Variants in RIPK1 observed in about 807,000 individuals in gnomAD.
RIPK1 encodes the protein receptor-interacting serine/threonine-protein kinase 1.
A neutral mutation model predicts 62.4 loss-of-function variants in RIPK1; 27 were observed. The observed-to-expected ratio is 0.43, with a 90% confidence interval of 0.32 to 0.60. RIPK1 has a LOEUF of 0.60. RIPK1 is among the 20% of genes least tolerant of loss of function. The probability of loss-of-function intolerance (pLI) is 0.07; values close to 1 mark genes in which losing one functional copy is unlikely to be tolerated. For missense variants in RIPK1, 735 were observed against 831.0 expected (o/e 0.88, Z 1.42); for synonymous variants, 287 against 303.2 (o/e 0.95, Z 0.55).
At chr6:3,076,381 T>C (rs1441419230) in intron 1 of RIPK1, among the ~76,000 whole-genome samples, 1 of 152,104 alleles carries the variant, frequency 6.6e-6, no homozygotes, top group Non-Finnish European at 1.5e-5. Context: ...AAAAATGATC[T>C]TTTCTGCCAG....
At position 3,105,361 on chromosome 6, in the gene RIPK1, C is replaced by T; in HGVS notation, c.1007-121C>T. 1 of 740,394 alleles carries T rather than the reference C, an allele frequency of 1.4e-6. No homozygotes were observed. The highest frequency in any genetic ancestry group is 2.3e-6 in the Non-Finnish European group (1 of 440,416). The allele number at this position is 740,394 out of a possible 1,614,324, so 45.9% of individuals were successfully genotyped here. A position where few individuals can be genotyped will look rare whatever the true frequency, so the allele number is the denominator to read the frequency against. On this transcript the variant is annotated intron_variant, in intron 8 of 10. Coordinates refer to ENST00000259808, the MANE Select transcript of RIPK1 (RefSeq NM_001354930.2). This position sits in a 1 kb window ranked among gnomAD's most constrained non-coding sequence, Gnocchi z 4.5. ...AGGACCATCTCCTAAATGCTTTGGA[C>T]TGGTCTCGTACTTGTTTTCTGTGTG...
At chr6:3,081,775 G>A (rs1233929019) in intron 4 of RIPK1, among the ~76,000 whole-genome samples, 2 of 149,986 alleles carry the variant, frequency 1.3e-5, no homozygotes, top group East Asian at 2.0e-4. Context: ...CAGGAGAATC[G>A]CCTGAACCGG....
Position 3,106,010 on chromosome 6 carries a change from G to T in RIPK1, c.1535G>T (p.Gly512Val), listed in dbSNP as rs1760832329. The part of the protein sequence containing the change: ...NIPVPETNYL[G>V]NTPTMPFSSL... The stretch of plus-strand genomic sequence containing the variant: ...CCAGTGCCTGAGACCAACTATCTAG[G>T]AAATACACCCACCATGCCATTCAGC... The change falls in exon 9 of 11, where the codon GGA (glycine) becomes GTA (valine). Residue 512 changes from glycine (G) to valine (V), a missense_variant. By Grantham distance (109) the Gly-to-Val change is moderately radical (BLOSUM62 -3). Around this residue, in one of 2 missense-constraint regions of RIPK1, gnomAD observed 671 missense variants for 726.2 expected, o/e 0.92. Transcript: ENST00000259808. 1.2e-6 allele frequency: 2 copies of T among 1,612,556 alleles called. No individual in the cohort carries two copies. Among genetic ancestry groups the T allele is most frequent in the African/African-American group, 2.7e-5 (2 of 74,888 alleles).
chr6:3,073,690 T>A (rs1758888281), intron 1 of RIPK1, among the ~76,000 whole-genome samples: 1 of 152,198 alleles, frequency 6.6e-6, no homozygotes, highest in African/African-American at 2.4e-5. Flanking sequence ...TAGACAGAGC[T>A]GGCCCCAGCC....
rs1456631803 is a variant in RIPK1 at position 3,068,566 on chromosome 6, G to A, written c.-156G>A. 24 of 985,222 alleles carry A rather than the reference G, an allele frequency of 2.4e-5. No individual in the cohort carries two copies. The highest frequency in any genetic ancestry group is 2.8e-5 in the Non-Finnish European group (23 of 829,964). 61.0% of individuals were successfully genotyped at this position (985,222 alleles called of 1,614,324 possible). On this transcript the variant is annotated 5_prime_UTR_variant, in exon 1 of 11. Coordinates refer to ENST00000259808, the MANE Select transcript of RIPK1 (RefSeq NM_001354930.2). ...CTGCCGGAGCGCGGCGACTCCAGGGGACCCACAGCTGGGGCGCCAGAGCGC... is the reference window on the plus strand; with the variant it reads ...CTGCCGGAGCGCGGCGACTCCAGGGAACCCACAGCTGGGGCGCCAGAGCGC...
chr6:3,086,501 C>T (rs374997006), intron 6 of RIPK1, among the ~76,000 whole-genome samples: 120 of 152,324 alleles, frequency 7.9e-4, no homozygotes, highest in African/African-American at 2.6e-3. Flanking sequence ...TTTGAGTATT[C>T]CCACAAGCCC....
At chr6:3,096,699 A>T (rs892753991) in intron 7 of RIPK1, among the ~76,000 whole-genome samples, 1 of 150,098 alleles carries the variant, frequency 6.7e-6, no homozygotes, top group Non-Finnish European at 1.5e-5. Flanking sequence ...AGCTGGGACT[A>T]CAGGCGCCCA....
At chr6:3,081,460 A>G (rs140345757) in intron 4 of RIPK1, among the ~76,000 whole-genome samples, 1 of 152,320 alleles carries the variant, frequency 6.6e-6, no homozygotes, top group East Asian at 1.9e-4. Flanking sequence ...CATTGGTGTC[A>G]TAATGTTCTC....
chr6:3,102,024 G>T (rs1457406026), intron 7 of RIPK1, among the ~76,000 whole-genome samples: 2 of 152,098 alleles, frequency 1.3e-5, no homozygotes, highest in African/African-American at 4.8e-5. Flanking sequence ...CTAGCAAAAG[G>T]ATCACACAAT....
In RIPK1 at chr6:3,090,793, G is replaced by A. The variant is rs1358275225; in HGVS notation, c.915+1136G>A. Reference sequence around the variant, plus strand: ...ACCTGCCGCACCTAGTAACCGCAGAGCGCCTACCTGCCGCACCTAGTAACC... The same window carrying A: ...ACCTGCCGCACCTAGTAACCGCAGAACGCCTACCTGCCGCACCTAGTAACC... On this transcript the variant is annotated intron_variant, in intron 7 of 10. Transcript: ENST00000259808. Among the ~76,000 whole-genome samples the A allele has an allele frequency of 3.4e-5, 5 of 145,278 alleles. No homozygotes were observed. The South Asian group carries it at 8.5e-4, about 25-fold the overall frequency.
At chr6:3,103,507 G>A (rs1359136700) in intron 7 of RIPK1, among the ~76,000 whole-genome samples, 2 of 151,966 alleles carry the variant, frequency 1.3e-5, no homozygotes, top group African/African-American at 4.8e-5. Flanking sequence ...TCACCATGTT[G>A]GCCTGGCAGG....
chr6:3,073,473 C>T lies in RIPK1; in HGVS notation c.-60-3291C>T, dbSNP rs539118945. On this transcript the variant is annotated intron_variant, in intron 1 of 10. Transcript: ENST00000259808. Reference sequence around the variant, plus strand: ...GCTCATAGTGGAGGGCCCGTGCTCTCGGAGCTATGGCTCCTGGTCTCTTAC... The same window carrying T: ...GCTCATAGTGGAGGGCCCGTGCTCTTGGAGCTATGGCTCCTGGTCTCTTAC... Among the ~76,000 whole-genome samples the T allele has an allele frequency of 4.6e-4, 70 of 152,180 alleles. 2 individuals carry two copies. In the South Asian group the frequency reaches 0.011, roughly 25 times the overall value.
chr6:3,085,019 A>G (rs1374002194), intron 5 of RIPK1, among the ~76,000 whole-genome samples: 2 of 152,170 alleles, frequency 1.3e-5, no homozygotes, highest in Non-Finnish European at 2.9e-5. Context: ...TTGCCCACAT[A>G]ATCTTTTTGT....
At chr6:3,073,633 T>C (rs1581379949) in intron 1 of RIPK1, among the ~76,000 whole-genome samples, 1 of 152,068 alleles carries the variant, frequency 6.6e-6, no homozygotes, top group South Asian at 2.1e-4. Flanking sequence ...ATGTCTTATG[T>C]CCTAGGAAAG....
At position 3,105,612 on chromosome 6, in the gene RIPK1, A is replaced by G. The variant is rs1289519076; in HGVS notation, c.1137A>G (p.Gln379=). ...ENEPSLQSKL[Q]DEANYHLYGS... is the part of the protein sequence containing the mutation. ...AGCCCAGCCTGCAGAGTAAACTCCAAGACGAAGCCAACTACCATCTTTATG... is the reference window on the plus strand; with the variant it reads ...AGCCCAGCCTGCAGAGTAAACTCCAGGACGAAGCCAACTACCATCTTTATG... The change falls in exon 9 of 11, where the codon CAA becomes CAG. Residue 379 remains glutamine (Q), a synonymous_variant. Coordinates refer to ENST00000259808, the MANE Select transcript of RIPK1 (RefSeq NM_001354930.2). The surrounding 1 kb of genome is among the most constrained non-coding windows in gnomAD (Gnocchi z 4.5). The G allele has an allele frequency of 6.2e-7, 1 of 1,614,010 alleles. No individual in the cohort carries two copies. Among genetic ancestry groups the G allele is most frequent in the Non-Finnish European group, 8.5e-7 (1 of 1,179,998 alleles).
chr6:3,068,349 T>C, upstream of RIPK1: 1 of 985,314 alleles, frequency 1.0e-6, no homozygotes. Flanking sequence ...CCCACTCGCT[T>C]GAAAACAAAG....
intron 9 of RIPK1, 23 bp from the exon 10 acceptor site, chr6:3,110,780 C>T: frequency 6.7e-7 from 1 of 1,482,182 alleles, no homozygotes. Flanking sequence ...GAATTACTTA[C>T]CTGTGTGTTT....
chr6:3,065,944 G>T (rs914746611), upstream of RIPK1, among the ~76,000 whole-genome samples: 2 of 152,166 alleles, frequency 1.3e-5, no homozygotes, highest in Non-Finnish European at 1.5e-5. Flanking sequence ...ACCTCCCAAG[G>T]TCACATGATG....
rs575530112 is a variant in RIPK1 at position 3,105,485 on chromosome 6, C to T, written c.1010C>T (p.Thr337Ile). The change falls in exon 9 of 11, where the codon ACA (threonine) becomes ATA (isoleucine). Residue 337 changes from threonine to isoleucine, a missense_variant. Physicochemically the swap from Thr to Ile is moderately conservative, Grantham distance 89. Coordinates refer to ENST00000259808, the MANE Select transcript of RIPK1 (RefSeq NM_001354930.2). The surrounding 1 kb of genome is among the most constrained non-coding windows in gnomAD (Gnocchi z 4.5). ...AVPSSRSNSA[T>I]EQPGSLHSSQ... ...AATGTTGATCATTTCTTCTCAGCCA[C>T]AGAACAGCCTGGTTCACTGCACAGT... The T allele has an allele frequency of 2.6e-6, 4 of 1,529,764 alleles. No individual in the cohort carries two copies. The East Asian group carries it at 6.8e-5, about 26-fold the overall frequency. The allele number at this position is 1,529,764 out of a possible 1,614,324, so 94.8% of individuals were successfully genotyped here.
Sources: gnomAD v4.1 joint callset for allele counts (sites outside exome capture counted in the v4.1 genomes callset) on GRCh38, gnomAD v4.1.1 for gene constraint, gnomAD v4.1.1 regional missense constraint, Gnocchi (gnomAD v3.1) non-coding constraint, MANE v1.5 for transcripts, NCBI Gene and HGNC (gene_info 2026-07-23, HGNC 2026-07-21) for gene names.